FTO: variants seen among roughly 807,000 people sequenced by gnomAD.
FTO encodes the protein alpha-ketoglutarate-dependent dioxygenase FTO.
A neutral mutation model predicts 63.9 loss-of-function variants in FTO; 47 were observed. The ratio of observed to expected loss-of-function variants is 0.74; its 90% CI spans 0.58 to 0.94. The LOEUF (loss-of-function observed/expected upper bound fraction) is 0.94. FTO is among the 40% of genes least tolerant of loss of function. The pLI is 0.00. For synonymous variants in FTO, 207 were observed against 224.4 expected, an observed-to-expected ratio of 0.92 and a Z score of 0.69; for missense variants, 562 against 618.1, an observed-to-expected ratio of 0.91 and a Z score of 0.96.
chr16:54,073,618 CT>C (rs113673279), intron 8 of FTO, among the ~76,000 whole-genome samples: 1,820 of 144,562 alleles, frequency 0.013, 28 homozygotes, highest in African/African-American at 0.038. Context: ...TCTCTCTCCC[CT>C]TTTTTTTTTT....
chr16:53,809,763 G>A (rs565713468), intron 1 of FTO, among the ~76,000 whole-genome samples: 63 of 152,070 alleles, frequency 4.1e-4, no homozygotes, highest in African/African-American at 1.4e-3. Flanking sequence ...GCAACATAGC[G>A]AGACCTTGTC....
At chr16:54,088,425 A>C (rs2086297498) in intron 8 of FTO, among the ~76,000 whole-genome samples, 1 of 152,198 alleles carries the variant, frequency 6.6e-6, no homozygotes, top group South Asian at 2.1e-4. Context: ...ATCTGGTTGG[A>C]ACTAAGTTCA....
chr16:53,825,760 A>G (rs1188892748), intron 2 of FTO, 104 bp from the exon 3 acceptor site: 11 of 1,285,638 alleles, frequency 8.6e-6, no homozygotes, highest in East Asian at 2.3e-5. Flanking sequence ...GCCACCAGGT[A>G]GTCCCCCCAC....
intron 2 of FTO, among the ~76,000 whole-genome samples, chr16:53,820,881 G>A (rs1249044042): frequency 1.3e-5 from 2 of 152,112 alleles, no homozygotes; most frequent in African/African-American, 2.4e-5. Flanking sequence ...GTATTTAAGA[G>A]CTGGACACTT....
At chr16:53,880,508 G>T (rs933503785) in intron 6 of FTO, among the ~76,000 whole-genome samples, 1 of 152,148 alleles carries the variant, frequency 6.6e-6, no homozygotes, top group Non-Finnish European at 1.5e-5. Flanking sequence ...TAACAAAATT[G>T]CATAAACCAA....
chr16:54,078,798 G>T (rs1176354076), intron 8 of FTO, among the ~76,000 whole-genome samples: 1 of 152,028 alleles, frequency 6.6e-6, no homozygotes, highest in East Asian at 1.9e-4. Context: ...GGTGGTTCAC[G>T]CCTGGTGGGT....
chr16:53,807,220 T>C (rs774983156), intron 1 of FTO, among the ~76,000 whole-genome samples: 1 of 152,166 alleles, frequency 6.6e-6, no homozygotes, highest in Non-Finnish European at 1.5e-5. Context: ...TTAAGCTGGA[T>C]GATTTTCTGG....
chr16:54,006,630 C>T (rs2084213451), intron 8 of FTO, among the ~76,000 whole-genome samples: 1 of 152,176 alleles, frequency 6.6e-6, no homozygotes, highest in Non-Finnish European at 1.5e-5. Context: ...CCCAATTGCA[C>T]CAACCACAGT....
chr16:53,944,022 A>G (rs752459000), intron 8 of FTO, among the ~76,000 whole-genome samples: 1 of 152,240 alleles, frequency 6.6e-6, no homozygotes, highest in Non-Finnish European at 1.5e-5. Flanking sequence ...GGGCAAAGCC[A>G]TACCTATCTC....
At chr16:53,781,158 A>G (rs2077578296) in intron 1 of FTO, among the ~76,000 whole-genome samples, 2 of 152,228 alleles carry the variant, frequency 1.3e-5, no homozygotes, top group East Asian at 1.9e-4. Flanking sequence ...AATTATCCCT[A>G]TTTTTCCAAT....
intron 1 of FTO, among the ~76,000 whole-genome samples, chr16:53,757,537 A>ATG (rs1272135111): frequency 2.0e-5 from 3 of 151,306 alleles, no homozygotes; most frequent in Non-Finnish European, 4.4e-5. Flanking sequence ...TATATATAAT[A>ATG]TGTGTGTATA....
chr16:53,805,184 CA>C (rs2078330446), intron 1 of FTO, among the ~76,000 whole-genome samples: 1 of 152,114 alleles, frequency 6.6e-6, no homozygotes. Flanking sequence ...GTGTCATTAG[CA>C]GCATAATCTT....
chr16:54,029,483 C>T (rs1276859833), intron 8 of FTO, among the ~76,000 whole-genome samples: 1 of 152,178 alleles, frequency 6.6e-6, no homozygotes, highest in African/African-American at 2.4e-5. Flanking sequence ...TAACCTCTCA[C>T]ACTCCCCCTT....
chr16:53,918,259 C>T (rs1358561262), intron 7 of FTO, among the ~76,000 whole-genome samples: 2 of 152,132 alleles, frequency 1.3e-5, no homozygotes, highest in African/African-American at 4.8e-5. Context: ...TGTACTTACA[C>T]AAACCTAGAA....
At chr16:54,101,982 G>A (rs765930201) in intron 8 of FTO, among the ~76,000 whole-genome samples, 5 of 152,094 alleles carry the variant, frequency 3.3e-5, no homozygotes, top group East Asian at 1.9e-4. Flanking sequence ...GTGCCTGTTC[G>A]TGTTCTTTGC....
At chr16:53,984,937 G>A (rs1358766955) in intron 8 of FTO, 1 of 455,810 alleles carries the variant, frequency 2.2e-6, no homozygotes. Context: ...TTGTTTTTCA[G>A]GGCAGAGAGG....
intron 1 of FTO, among the ~76,000 whole-genome samples, chr16:53,732,914 GAA>G (rs1164356455): frequency 6.6e-6 from 1 of 152,080 alleles, no homozygotes; most frequent in Non-Finnish European, 1.5e-5. Context: ...AATGAGTAAG[GAA>G]AAAAGGGAAT....
intron 8 of FTO, among the ~76,000 whole-genome samples, chr16:53,956,346 A>G (rs541026951): frequency 6.6e-6 from 1 of 152,266 alleles, no homozygotes; most frequent in South Asian, 2.1e-4. Flanking sequence ...TGGGGAGGAA[A>G]GAGTGCTCTG....
chr16:54,036,094 C>T (rs1398164684), intron 8 of FTO, among the ~76,000 whole-genome samples: 1 of 152,100 alleles, frequency 6.6e-6, no homozygotes, highest in African/African-American at 2.4e-5. Flanking sequence ...TCTGGTATAT[C>T]GTTAAATACC....
Sources: gnomAD v4.1 joint callset for allele counts (sites outside exome capture counted in the v4.1 genomes callset) on GRCh38, gnomAD v4.1.1 for gene constraint, MANE v1.5 for transcripts, NCBI Gene and HGNC (gene_info 2026-07-23, HGNC 2026-07-21) for gene names.